Variants in SLC44A5 observed in about 807,000 individuals in gnomAD.
SLC44A5 encodes choline transporter-like protein 5.
Under a neutral mutation model 101.8 loss-of-function variants are expected in SLC44A5, and 57 were observed. The ratio of observed to expected loss-of-function variants is 0.56; its 90% CI spans 0.45 to 0.70. The LOEUF is 0.70. SLC44A5 is among the 30% of genes least tolerant of loss of function. The probability of loss-of-function intolerance (pLI) is 0.00; values close to 1 mark genes in which losing one functional copy is unlikely to be tolerated. For synonymous variants in SLC44A5, 281 were observed against 290.9 expected (o/e 0.97, Z 0.35); for missense variants, 737 against 853.1 (o/e 0.86, Z 1.70).
rs558392584 is a variant in SLC44A5 at position 75,410,615 on chromosome 1, T to A, written c.14-13994A>T. Among the ~76,000 whole-genome samples the A allele has an allele frequency of 3.9e-5, 6 of 152,222 alleles. No individual in the cohort carries two copies. The East Asian group carries it at 1.2e-3, about 29-fold the overall frequency. ...CTTTATAATATGCCATAATGGTGTG[T>A]GGCAGGGGAGCTGAGAAAAGGAAAG... On this transcript the variant is annotated intron_variant, in intron 2 of 23. Transcript: ENST00000370859.
At chr1:75,716,814 C>T in the SLC44A5 span, among the ~76,000 whole-genome samples, 1 of 151,686 alleles carries the variant, frequency 6.6e-6, no homozygotes, top group Non-Finnish European at 1.5e-5. Context: ...GGCAGATTGC[C>T]TGAGCTCAGG....
chr1:75,584,752 A>G (rs1287209327), intron 1 of SLC44A5, among the ~76,000 whole-genome samples: 2 of 151,946 alleles, frequency 1.3e-5, no homozygotes, highest in Non-Finnish European at 2.9e-5. Flanking sequence ...ATGTGCCACA[A>G]TGCCTGGCTA....
chr1:75,470,601 G>A (rs1667053937), intron 2 of SLC44A5, among the ~76,000 whole-genome samples: 1 of 152,188 alleles, frequency 6.6e-6, no homozygotes, highest in Admixed American at 6.5e-5. Context: ...GGGAGGGAAT[G>A]TTACTGGCGT....
intron 2 of SLC44A5, among the ~76,000 whole-genome samples, chr1:75,500,923 C>T (rs1184657826): frequency 6.6e-6 from 1 of 152,150 alleles, no homozygotes; most frequent in Admixed American, 6.6e-5. Context: ...CATCTTGAAA[C>T]CTCTTTGTTC....
chr1:75,512,523 A>C (rs969020938), intron 2 of SLC44A5, among the ~76,000 whole-genome samples: 6 of 152,196 alleles, frequency 3.9e-5, no homozygotes, highest in Admixed American at 2.6e-4. Flanking sequence ...TTATCCAACA[A>C]TCATTCAACA....
chr1:75,270,029 G>A (rs1055074405), intron 6 of SLC44A5, among the ~76,000 whole-genome samples: 5 of 152,208 alleles, frequency 3.3e-5, no homozygotes, highest in African/African-American at 4.8e-5. Flanking sequence ...GTCTGCCACC[G>A]TGTAAGACGT....
intron 2 of SLC44A5, among the ~76,000 whole-genome samples, chr1:75,455,634 A>G (rs1004410896): frequency 3.3e-5 from 5 of 152,108 alleles, no homozygotes; most frequent in African/African-American, 1.2e-4. Context: ...AAATTCTAAT[A>G]TTCAGAATCA....
At chr1:75,471,382 AAC>A (rs3058800) in intron 2 of SLC44A5, among the ~76,000 whole-genome samples, 97,796 of 149,150 alleles carry the variant, frequency 0.66, 31,923 homozygotes, top group East Asian at 0.82. Flanking sequence ...TGTGCATGAA[AAC>A]ACACACACAC....
At chr1:75,220,054 T>G (rs1183171628) in intron 14 of SLC44A5, among the ~76,000 whole-genome samples, 162 bp from the exon 15 acceptor site, 1 of 152,198 alleles carries the variant, frequency 6.6e-6, no homozygotes, top group African/African-American at 2.4e-5. Context: ...ATTTACTTTT[T>G]TTAAAAGTAC....
In SLC44A5 at chr1:75,575,165, T is replaced by C. The variant is rs147215931; in HGVS notation, c.-69-33649A>G. 6.4e-4 allele frequency among the ~76,000 whole-genome samples: 97 copies of C among 152,368 alleles called. 1 individual carries two copies. The highest frequency in any genetic ancestry group is 2.2e-3 in the African/African-American group (90 of 41,582). On this transcript the variant is annotated intron_variant, in intron 1 of 23. Transcript: ENST00000370859. ...ATTTTTAATAGATAATCAAGTTTCT[T>C]AACTCTGTCACACATACTTTCGATG... is the stretch of plus-strand genomic sequence containing the variant.
intron 2 of SLC44A5, among the ~76,000 whole-genome samples, chr1:75,471,842 C>T (rs1331662073): frequency 5.3e-5 from 8 of 150,988 alleles, no homozygotes; most frequent in Non-Finnish European, 7.4e-5. Context: ...AACTTCTGCA[C>T]ATTCCTAAGG....
intron 1 of SLC44A5, among the ~76,000 whole-genome samples, chr1:75,552,910 G>C (rs767636148): frequency 3.3e-5 from 5 of 151,680 alleles, no homozygotes; most frequent in Non-Finnish European, 5.9e-5. Context: ...TTTCACCTTT[G>C]TTAATAAACG....
chr1:75,531,116 G>T (rs927485061), intron 2 of SLC44A5, among the ~76,000 whole-genome samples: 2 of 152,174 alleles, frequency 1.3e-5, no homozygotes, highest in African/African-American at 4.8e-5. Flanking sequence ...CCTTTCATGA[G>T]CAATAAATGT....
the SLC44A5 span, among the ~76,000 whole-genome samples, chr1:75,656,335 AAAGT>A: frequency 3.2e-4 from 48 of 152,328 alleles, no homozygotes; most frequent in African/African-American, 1.1e-3. Flanking sequence ...TTCGCTGGTA[AAAGT>A]AAGTACACAC....
At chr1:75,498,965 C>T (rs1668807790) in intron 2 of SLC44A5, among the ~76,000 whole-genome samples, 1 of 152,086 alleles carries the variant, frequency 6.6e-6, no homozygotes, top group Admixed American at 6.6e-5. Context: ...TGAAGGAGGT[C>T]CCATAAGATT....
chr1:75,450,242 C>G (rs1665828979), intron 2 of SLC44A5, among the ~76,000 whole-genome samples: 2 of 152,112 alleles, frequency 1.3e-5, no homozygotes, highest in African/African-American at 4.8e-5. Context: ...TCTGATCAAC[C>G]AAGGTCAAGG....
rs569333170 is a variant in SLC44A5, at chr1:75,598,856, C to A, written c.-70+12184G>T. Among the ~76,000 whole-genome samples the A allele has an allele frequency of 2.6e-5, 4 of 152,168 alleles. No individual in the cohort carries two copies. In the South Asian group the frequency reaches 8.3e-4, roughly 32 times the overall value. ...CTTAACACCTGGGTGATGAAATAAC[C>A]TGTACAACAAACCCCCATGACACAA... On this transcript the variant is annotated intron_variant, in intron 1 of 23. Coordinates refer to ENST00000370859, the MANE Select transcript of SLC44A5 (RefSeq NM_001130058.2).
chr1:75,209,000 GAAT>G (rs575616522), intron 23 of SLC44A5, among the ~76,000 whole-genome samples: 106 of 152,280 alleles, frequency 7.0e-4, no homozygotes, highest in African/African-American at 2.5e-3. Context: ...CATTTAAGAA[GAAT>G]ATTTTACAAA....
At chr1:75,649,220 T>C in the SLC44A5 span, among the ~76,000 whole-genome samples, 2 of 152,320 alleles carry the variant, frequency 1.3e-5, no homozygotes, top group East Asian at 3.9e-4. Context: ...GCAGTTCAAA[T>C]GAGAAATCTT....
Sources: allele counts gnomAD v4.1 joint callset (sites outside exome capture counted in the v4.1 genomes callset), GRCh38; gene constraint gnomAD v4.1.1; transcripts MANE v1.5; gene names NCBI Gene and HGNC (gene_info 2026-07-23, HGNC 2026-07-21).